ZNF248: variants seen among roughly 807,000 people sequenced by gnomAD.
ZNF248 encodes zinc finger protein 248.
In ZNF248, 20 loss-of-function variants were observed where a neutral mutation model predicts 44.3. That is an observed-to-expected ratio of 0.45 (90% CI 0.32 to 0.66). The LOEUF is 0.66. ZNF248 is among the 30% of genes least tolerant of loss of function. ZNF248 has a pLI of 0.04. For synonymous variants in ZNF248, 224 were observed against 229.0 expected (o/e 0.98, Z 0.20); for missense variants, 654 against 677.0 (o/e 0.97, Z 0.38).
At chr10:37,796,341 G>A (rs562366359) in intron 6 of ZNF248, among the ~76,000 whole-genome samples, 383 of 151,290 alleles carry the variant, frequency 2.5e-3, no homozygotes, top group Non-Finnish European at 4.7e-3. Flanking sequence ...TCAGCCTCCC[G>A]GGTAGCTGGG....
chr10:37,832,281 C>T lies in ZNF248; in HGVS notation c.1074G>A (p.Gly358=), dbSNP rs2055918096. Residue 358 remains glycine (G), a synonymous_variant, in exon 6 of 6, where the codon GGG becomes GGA. Transcript: ENST00000395867. ...GATGTGACTTCTTGCTGAAATTACT[C>T]CCATTTTCATTGTAATCATAAGACT... ...GGKSYDYNEN[G]SNFSKKSHLT... The T allele has an allele frequency of 1.2e-6, 2 of 1,614,018 alleles. No individual in the cohort carries two copies. Among genetic ancestry groups the T allele is most frequent in the East Asian group, 4.5e-5 (2 of 44,882 alleles).
chr10:37,776,493 T>A (rs2046596119), downstream of ZNF248: 1 of 398,094 alleles, frequency 2.5e-6, no homozygotes. Flanking sequence ...AGAGAAGCAA[T>A]CTTCAAGGTG....
chr10:37,850,520 A>G (rs570837782), intron 3 of ZNF248, among the ~76,000 whole-genome samples: 8 of 152,360 alleles, frequency 5.3e-5, no homozygotes, highest in African/African-American at 1.7e-4. Flanking sequence ...AGTAAAAGGA[A>G]TCACTGTGTT....
At chr10:37,795,145 G>C (rs1345233983) in intron 6 of ZNF248, 1 of 152,162 alleles carries the variant, frequency 6.6e-6, no homozygotes. Flanking sequence ...TATATTCATT[G>C]GGTTCTTGTC....
At chr10:37,777,475 G>A (rs1225406136) in intron 6 of ZNF248, among the ~76,000 whole-genome samples, 3 of 150,486 alleles carry the variant, frequency 2.0e-5, no homozygotes, top group East Asian at 2.0e-4. Flanking sequence ...CTCCAGAATC[G>A]CAATTCCTAA....
At chr10:37,786,637 CAGTTT>C (rs1324998061) in intron 6 of ZNF248, among the ~76,000 whole-genome samples, 4 of 152,048 alleles carry the variant, frequency 2.6e-5, no homozygotes, top group Non-Finnish European at 4.4e-5. Context: ...CATGAAAGAT[CAGTTT>C]AGTTTTTTAA....
chr10:37,832,786 T>G lies in ZNF248; in HGVS notation c.569A>C (p.Tyr190Ser). 3 of 1,613,824 alleles carry G rather than the reference T, an allele frequency of 1.9e-6. No homozygotes were observed. Among genetic ancestry groups the G allele is most frequent in the Non-Finnish European group, 2.5e-6 (3 of 1,179,870 alleles). The stretch of plus-strand genomic sequence containing the variant: ...GGCATTCCTTTTTTGATCATATTTA[T>G]AAGACTTCTCTCCAATAGGGATTTT... ...HEKIPIGEKS[Y>S]KYDQKRNAIN... Residue 190 changes from tyrosine (Y) to serine (S), a missense_variant, in exon 6 of 6, where the codon TAT becomes TCT. Tyr to Ser is a moderately radical substitution (Grantham distance 144). Transcript: ENST00000395867.
chr10:37,770,667 C>T, the ZNF248 span, among the ~76,000 whole-genome samples: 1 of 152,146 alleles, frequency 6.6e-6, no homozygotes, highest in Non-Finnish European at 1.5e-5. Flanking sequence ...ACCATAAAAA[C>T]CCTAGAAGAA....
At chr10:37,845,187 A>G (rs1038917212) in intron 3 of ZNF248, among the ~76,000 whole-genome samples, 4 of 151,778 alleles carry the variant, frequency 2.6e-5, no homozygotes, top group African/African-American at 9.7e-5. Context: ...ACACTGGGCT[A>G]ATTTTTGTAT....
chr10:37,776,895 T>C (rs1588943722), intron 6 of ZNF248, among the ~76,000 whole-genome samples: 2 of 152,300 alleles, frequency 1.3e-5, no homozygotes, highest in South Asian at 2.1e-4. Flanking sequence ...GTCAGTTTTC[T>C]TGTTTGTCAA....
intron 6 of ZNF248, among the ~76,000 whole-genome samples, chr10:37,812,464 T>C (rs1194075776): frequency 6.6e-6 from 1 of 152,196 alleles, no homozygotes; most frequent in East Asian, 1.9e-4. Flanking sequence ...ATAAAACTGC[T>C]AACACCCAGC....
chr10:37,852,760 TACAC>T (rs992074564), intron 3 of ZNF248, among the ~76,000 whole-genome samples: 7 of 150,894 alleles, frequency 4.6e-5, no homozygotes, highest in Non-Finnish European at 1.0e-4. Flanking sequence ...ATAGAAACAG[TACAC>T]ACATTTTGTG....
chr10:37,823,932 T>A (rs149853021), downstream of ZNF248, among the ~76,000 whole-genome samples: 137 of 152,076 alleles, frequency 9.0e-4, 2 homozygotes, highest in East Asian at 0.022. Context: ...AAAAAAAATA[T>A]GTAAAGGCCT....
intron 6 of ZNF248, among the ~76,000 whole-genome samples, chr10:37,809,372 G>A (rs552146415): frequency 6.6e-6 from 1 of 152,242 alleles, no homozygotes; most frequent in African/African-American, 2.4e-5. Flanking sequence ...CCACCTCCCA[G>A]GTTCAAGTGA....
rs187571786 is a variant in ZNF248 at position 37,853,225 on chromosome 10, G to T, written c.15+3071C>A. 5.2e-4 allele frequency among the ~76,000 whole-genome samples: 79 copies of T among 152,128 alleles called. 1 individual carries two copies. The East Asian group carries it at 0.011, about 22-fold the overall frequency. ...CAAAATACTACAGGATAAATATAGA[G>T]AAAACCAAACCAAGTTATATTAAGT... On this transcript the variant is annotated intron_variant, in intron 3 of 5. Transcript: ENST00000395867.
At chr10:37,813,628 AAGAATAT>A (rs2133446657) in intron 6 of ZNF248, among the ~76,000 whole-genome samples, 1 of 152,270 alleles carries the variant, frequency 6.6e-6, no homozygotes, top group African/African-American at 2.4e-5. Flanking sequence ...ACTTTATTCT[AAGAATAT>A]AGTATATAAT....
chr10:37,804,191 G>A (rs1460574087), intron 6 of ZNF248, among the ~76,000 whole-genome samples: 12 of 143,002 alleles, frequency 8.4e-5, no homozygotes, highest in Middle Eastern at 7.4e-3. Flanking sequence ...TGTCGCCTTC[G>A]CCTCCCCGGC....
chr10:37,844,626 G>C (rs1156757572), intron 3 of ZNF248, among the ~76,000 whole-genome samples: 1 of 152,144 alleles, frequency 6.6e-6, no homozygotes, highest in East Asian at 1.9e-4. Context: ...TAGGAGCAGA[G>C]TTTTTGTATG....
chr10:37,847,908 AAAG>A (rs1210260307), intron 3 of ZNF248, among the ~76,000 whole-genome samples: 2 of 152,250 alleles, frequency 1.3e-5, no homozygotes, highest in African/African-American at 2.4e-5. Context: ...TAAAAAGCTA[AAAG>A]AAGAATGGGT....
Sources: gnomAD v4.1 joint callset for allele counts (sites outside exome capture counted in the v4.1 genomes callset) on GRCh38, gnomAD v4.1.1 for gene constraint, MANE v1.5 for transcripts, NCBI Gene and HGNC (gene_info 2026-07-23, HGNC 2026-07-21) for gene names.